MYH13: variants seen among roughly 807,000 people sequenced by gnomAD.
The protein encoded by MYH13 is myosin-13.
MYH13 carries 177 observed loss-of-function variants against 232.1 expected under a neutral mutation model. That is an observed-to-expected ratio of 0.76 (90% CI 0.67 to 0.86). MYH13 has a LOEUF of 0.86. Ranked by LOEUF, MYH13 falls within the 40% of genes least tolerant of loss-of-function variation. The pLI is 0.00. For missense variants in MYH13, 2,246 were observed against 2,405.9 expected, an observed-to-expected ratio of 0.93 and a Z score of 1.39; for synonymous variants, 884 against 923.5, an observed-to-expected ratio of 0.96 and a Z score of 0.78.
intron 24 of MYH13, 34 bp from the exon 25 acceptor site, chr17:10,320,530 T>C (rs776641348): frequency 6.3e-7 from 1 of 1,596,594 alleles, no homozygotes; most frequent in Non-Finnish European, 8.5e-7. Context: ...ATTAAGCCCC[T>C]GCTGGGGAAG....
chr17:10,347,184 A>G (rs1172994786), intron 12 of MYH13, among the ~76,000 whole-genome samples: 1 of 152,172 alleles, frequency 6.6e-6, no homozygotes, highest in East Asian at 1.9e-4. Context: ...AGCCTGGCCA[A>G]TATGGCCCTG....
At chr17:10,327,542 T>A (rs1255210013) in intron 22 of MYH13, among the ~76,000 whole-genome samples, 1 of 152,218 alleles carries the variant, frequency 6.6e-6, no homozygotes, top group Non-Finnish European at 1.5e-5. Context: ...TTATTTTTAT[T>A]GATTTTTAAA....
At position 10,306,507 on chromosome 17, in the gene MYH13, T is replaced by C. The variant is rs1480049303; in HGVS notation, c.5418A>G (p.Gln1806=). The change falls in exon 37 of 41, where the codon CAA becomes CAG. Residue 1806 remains glutamine (Q), a synonymous_variant. Coordinates refer to ENST00000252172, the MANE Select transcript of MYH13 (RefSeq NM_003802.3). This position sits in a 1 kb window ranked among gnomAD's most constrained non-coding sequence, Gnocchi z 4.3. ...DLQHRLDEAE[Q]LALKGGKKQI... Reference sequence around the variant, plus strand: ...GCTTCTTCCCGCCCTTCAGCGCCAGTTGTTCAGCCTCATCTAGACGGTGCT... The same window carrying C: ...GCTTCTTCCCGCCCTTCAGCGCCAGCTGTTCAGCCTCATCTAGACGGTGCT... 5.6e-6 allele frequency: 9 copies of C among 1,614,034 alleles called. No individual in the cohort carries two copies. The highest frequency in any genetic ancestry group is 1.1e-5 in the South Asian group (1 of 91,076).
At chr17:10,358,611 A>C (rs575287540) in intron 7 of MYH13, among the ~76,000 whole-genome samples, 4 of 152,158 alleles carry the variant, frequency 2.6e-5, no homozygotes, top group African/African-American at 9.6e-5. Flanking sequence ...TTAAAAAAAA[A>C]CTAGCCAGGC....
At chr17:10,366,381 G>GTTTGTTTTTTTTTTTTTTTTTT (rs2071837334) in intron 2 of MYH13, among the ~76,000 whole-genome samples, 1 of 112,640 alleles carries the variant, frequency 8.9e-6, no homozygotes, top group African/African-American at 3.2e-5. Context: ...AAATAAATCT[G>GTTTGTTTTTTTTTTTTTTTTTT]TTTTTTTTTT....
intron 5 of MYH13, among the ~76,000 whole-genome samples, chr17:10,361,849 C>T (rs2071796373): frequency 6.6e-6 from 1 of 152,180 alleles, no homozygotes; most frequent in Non-Finnish European, 1.5e-5. Flanking sequence ...ATTGGGGGTT[C>T]CCTGGGGACA....
chr17:10,306,013 T>C lies in MYH13; in HGVS notation c.5466+446A>G, dbSNP rs1036866390. ...ATTGGGAGAAAACGGAAACTGCAGA[T>C]TTTATGTAGGATGGGCTGTGTTGAT... is the stretch of plus-strand genomic sequence containing the variant. On this transcript the variant is annotated intron_variant, in intron 37 of 40. Transcript: ENST00000252172. The surrounding 1 kb of genome is among the most constrained non-coding windows in gnomAD (Gnocchi z 4.3). Among the ~76,000 whole-genome samples, 2 of 152,066 alleles carry C rather than the reference T, an allele frequency of 1.3e-5. No individual in the cohort carries two copies. Among genetic ancestry groups the C allele is most frequent in the African/African-American group, 4.8e-5 (2 of 41,410 alleles).
At chr17:10,327,111 C>T (rs1214888212) in intron 22 of MYH13, among the ~76,000 whole-genome samples, 1 of 55,622 alleles carries the variant, frequency 1.8e-5, no homozygotes, top group African/African-American at 5.7e-5. Flanking sequence ...ACGCCATTCT[C>T]CTGCCTCAGC....
intron 20 of MYH13, among the ~76,000 whole-genome samples, chr17:10,331,735 C>T (rs750955504): frequency 3.3e-5 from 5 of 152,104 alleles, no homozygotes; most frequent in Admixed American, 1.3e-4. Context: ...CACTGCGCCC[C>T]GCTTGGTAGC....
chr17:10,333,908 C>CA (rs796120788), intron 18 of MYH13, among the ~76,000 whole-genome samples: 1,794 of 125,476 alleles, frequency 0.014, 28 homozygotes, highest in African/African-American at 0.045. Flanking sequence ...AACTGCACCT[C>CA]AAAAAAAAAA....
rs1215914312 is a variant in MYH13, at chr17:10,315,888, C to A, written c.3865+11G>T. The stretch of plus-strand genomic sequence containing the variant: ...TGGCCCGGCTGGACCCAGAGCCCTG[C>A]CCATTCTCACCATTTTGGGTCTGCA... On this transcript the variant is annotated intron_variant, in intron 28 of 40. Transcript: ENST00000252172. 1.2e-5 allele frequency: 20 copies of A among 1,613,856 alleles called. No homozygotes were observed. The highest frequency in any genetic ancestry group is 1.7e-5 in the Non-Finnish European group (20 of 1,179,890).
intron 11 of MYH13, among the ~76,000 whole-genome samples, chr17:10,352,761 C>G (rs1471328399): frequency 1.3e-5 from 2 of 151,978 alleles, no homozygotes; most frequent in Non-Finnish European, 2.9e-5. Context: ...TTAGCCTGGC[C>G]CTTTCTGTGC....
At chr17:10,343,490 A>C (rs533068062) in intron 16 of MYH13, among the ~76,000 whole-genome samples, 1 of 152,338 alleles carries the variant, frequency 6.6e-6, no homozygotes, top group Non-Finnish European at 1.5e-5. Context: ...CTGAGCCACC[A>C]TGCCTGGCCA....
chr17:10,365,231 T>G (rs1366350996), intron 2 of MYH13, among the ~76,000 whole-genome samples: 1 of 152,196 alleles, frequency 6.6e-6, no homozygotes, highest in Non-Finnish European at 1.5e-5. Context: ...CAGTGTCAGT[T>G]TAAAATCTTA....
intron 18 of MYH13, among the ~76,000 whole-genome samples, chr17:10,338,990 T>C (rs1548646): frequency 0.77 from 117,419 of 152,174 alleles, 45,886 homozygotes; most frequent in East Asian, 0.9. Context: ...CGTGAGCCAC[T>C]GTGCCCGGCC....
At position 10,304,519 on chromosome 17, in the gene MYH13, A is replaced by G. The variant is rs944765490; in HGVS notation, c.5467-1021T>C. The stretch of plus-strand genomic sequence containing the variant: ...TGTCCTTGCAGGTGAAACCTGCCCA[A>G]CTGTTCATTGAACTTACAGCAGATC... On this transcript the variant is annotated intron_variant, in intron 37 of 40. Transcript: ENST00000252172. This position sits in a 1 kb window ranked among gnomAD's most constrained non-coding sequence, Gnocchi z 5.3. 5.3e-5 allele frequency among the ~76,000 whole-genome samples: 8 copies of G among 152,222 alleles called. No homozygotes were observed. Among genetic ancestry groups the G allele is most frequent in the Admixed American group, 5.2e-4 (8 of 15,288 alleles).
At chr17:10,331,948 T>G (rs1370363143) in intron 20 of MYH13, 151 bp downstream of exon 20, 1 of 910,600 alleles carries the variant, frequency 1.1e-6, no homozygotes, top group Non-Finnish European at 1.6e-6. Context: ...ACAAGCTCTG[T>G]CTACCTAGAC....
In MYH13 at chr17:10,304,786, GTGT is replaced by G. The variant is rs1906221035; in HGVS notation, c.5467-1291_5467-1289del. On this transcript the variant is annotated intron_variant, in intron 37 of 40. Coordinates refer to ENST00000252172, the MANE Select transcript of MYH13 (RefSeq NM_003802.3). The surrounding 1 kb of genome is among the most constrained non-coding windows in gnomAD (Gnocchi z 5.3). ...GTTAGAATGACAAAGCACTACACAG[GTGT>G]TGTTAATTTCATAGTTGCTTCTGCC... Among the ~76,000 whole-genome samples the G allele has an allele frequency of 6.6e-6, 1 of 152,244 alleles. No individual in the cohort carries two copies. The highest frequency in any genetic ancestry group is 1.5e-5 in the Non-Finnish European group (1 of 68,050).
chr17:10,362,513 G>A lies in MYH13; in HGVS notation c.205-10C>T, dbSNP rs116510084. The A allele has an allele frequency of 6.4e-4, 1,029 of 1,614,096 alleles. 7 individuals are homozygous for A. In the African/African-American group the frequency reaches 0.013, roughly 20 times the overall value. On this transcript the variant is annotated splice_polypyrimidine_tract_variant and intron_variant, in intron 3 of 40. Transcript: ENST00000252172. ...TGTTCAGAGTGAGCATCTGGGTATT[G>A]AGAGGAAAAGCAGGTAATAAATTGG... is the stretch of plus-strand genomic sequence containing the variant.
Sources: gnomAD v4.1 joint callset for allele counts (sites outside exome capture counted in the v4.1 genomes callset) on GRCh38, gnomAD v4.1.1 for gene constraint, Gnocchi (gnomAD v3.1) non-coding constraint, MANE v1.5 for transcripts, NCBI Gene and HGNC (gene_info 2026-07-23, HGNC 2026-07-21) for gene names.